Variants in PREX2 observed in about 807,000 individuals in gnomAD.
PREX2 encodes the protein phosphatidylinositol-3,4,5-trisphosphate dependent Rac exchange factor 2, also known as phosphatidylinositol 3,4,5-trisphosphate-dependent Rac exchanger 2 protein.
In PREX2, 107 loss-of-function variants were observed where a neutral mutation model predicts 203.2. That is an observed-to-expected ratio of 0.53 (90% CI 0.45 to 0.62). PREX2 has a LOEUF of 0.62. PREX2 is among the 20% of genes least tolerant of loss of function. PREX2 has a pLI of 0.00. For missense variants in PREX2, 1,777 were observed against 1,955.9 expected (o/e 0.91, Z 1.72); for synonymous variants, 672 against 663.6 (o/e 1.01, Z -0.19).
intron 1 of PREX2, among the ~76,000 whole-genome samples, chr8:67,970,403 C>A (rs558838239): frequency 1.3e-5 from 2 of 152,270 alleles, no homozygotes; most frequent in East Asian, 3.9e-4. Flanking sequence ...GACCATCAGC[C>A]TTTCAACAAC....
At position 68,202,662 on chromosome 8, in the gene PREX2, T is replaced by C. The variant is rs145719600; in HGVS notation, c.4604+10137T>C. Among the ~76,000 whole-genome samples the C allele has an allele frequency of 1.6e-3, 246 of 152,044 alleles. 1 individual carries two copies. The highest frequency in any genetic ancestry group is 5.7e-3 in the African/African-American group (237 of 41,482). On this transcript the variant is annotated intron_variant, in intron 37 of 39. Coordinates refer to ENST00000288368, the MANE Select transcript of PREX2 (RefSeq NM_024870.4). Reference sequence around the variant, plus strand: ...AATGGCAGTCAACAGGACTTGGTGATTGGTGAGAAATAAAGAATAGGGGAG... The same window carrying C: ...AATGGCAGTCAACAGGACTTGGTGACTGGTGAGAAATAAAGAATAGGGGAG...
intron 1 of PREX2, among the ~76,000 whole-genome samples, chr8:68,002,839 T>C (rs1806982331): frequency 6.6e-6 from 1 of 152,160 alleles, no homozygotes; most frequent in Admixed American, 6.5e-5. Flanking sequence ...TTCAGAAAAG[T>C]ATAGATATTG....
chr8:68,102,211 G>A (rs372414164), intron 23 of PREX2, among the ~76,000 whole-genome samples: 2 of 152,082 alleles, frequency 1.3e-5, no homozygotes, highest in Non-Finnish European at 2.9e-5. Flanking sequence ...CTCTTTCTTC[G>A]GGAGATTAAG....
At chr8:68,102,983 G>A in intron 23 of PREX2, 1 of 513,426 alleles carries the variant, frequency 1.9e-6, no homozygotes, top group Non-Finnish European at 3.9e-6. Flanking sequence ...AAATTGTCCT[G>A]GAAACGCTTC....
At chr8:68,190,159 C>T (rs1244368096) in intron 35 of PREX2, among the ~76,000 whole-genome samples, 5 of 152,088 alleles carry the variant, frequency 3.3e-5, no homozygotes, top group East Asian at 1.9e-4. Context: ...TAATAATTTA[C>T]CAACACTTTG....
chr8:68,021,456 G>GT (rs1807566280), intron 3 of PREX2, among the ~76,000 whole-genome samples: 1 of 152,134 alleles, frequency 6.6e-6, no homozygotes, highest in Non-Finnish European at 1.5e-5. Context: ...TTAGTTGCTT[G>GT]TTGCTAGATA....
At chr8:68,121,437 C>G (rs908526448) in intron 30 of PREX2, among the ~76,000 whole-genome samples, 8 of 151,950 alleles carry the variant, frequency 5.3e-5, no homozygotes, top group African/African-American at 1.9e-4. Context: ...GTATGAGAAT[C>G]AAAATAATCA....
intron 38 of PREX2, among the ~76,000 whole-genome samples, chr8:68,219,606 G>T (rs925459220): frequency 6.6e-6 from 1 of 152,132 alleles, no homozygotes; most frequent in East Asian, 1.9e-4. Flanking sequence ...GCCCCAAGTT[G>T]TGACGTCCCA....
chr8:68,075,693 A>G (rs1809328861), intron 14 of PREX2, among the ~76,000 whole-genome samples: 1 of 152,216 alleles, frequency 6.6e-6, no homozygotes, highest in South Asian at 2.1e-4. Context: ...ATCACTTGGC[A>G]CAATATGTAG....
chr8:68,147,454 C>A (rs1186481739), intron 34 of PREX2, among the ~76,000 whole-genome samples: 1 of 152,130 alleles, frequency 6.6e-6, no homozygotes. Flanking sequence ...GTGAATAAGT[C>A]TCACGAGATC....
chr8:68,124,618 C>T (rs1255755305), intron 30 of PREX2, among the ~76,000 whole-genome samples: 2 of 152,064 alleles, frequency 1.3e-5, no homozygotes, highest in African/African-American at 4.8e-5. Flanking sequence ...AAGAAACCTG[C>T]ACATGTACCC....
intron 28 of PREX2, among the ~76,000 whole-genome samples, chr8:68,119,784 G>GT (rs756947007): frequency 3.1e-4 from 46 of 149,902 alleles, no homozygotes; most frequent in Admixed American, 1.8e-3. Context: ...ATTTTTTTTT[G>GT]TTTTTTTGTT....
intron 24 of PREX2, among the ~76,000 whole-genome samples, chr8:68,108,851 G>A (rs923751755): frequency 6.6e-6 from 1 of 152,032 alleles, no homozygotes; most frequent in African/African-American, 2.4e-5. Flanking sequence ...AAACACAATG[G>A]AATACCACTC....
At chr8:68,197,445 T>C (rs919257119) in intron 37 of PREX2, among the ~76,000 whole-genome samples, 3 of 152,120 alleles carry the variant, frequency 2.0e-5, no homozygotes, top group Non-Finnish European at 4.4e-5. Flanking sequence ...CCTCCTGCCA[T>C]GATTGTAAGT....
chr8:68,111,830 A>C (rs542905676), intron 25 of PREX2, among the ~76,000 whole-genome samples: 3 of 152,190 alleles, frequency 2.0e-5, no homozygotes, highest in Admixed American at 6.5e-5. Context: ...ACATTATTTA[A>C]AAATCTAGTA....
chr8:68,091,533 T>TGGC (rs1809873802), intron 20 of PREX2, among the ~76,000 whole-genome samples: 1 of 152,202 alleles, frequency 6.6e-6, no homozygotes, highest in African/African-American at 2.4e-5. Flanking sequence ...TGAATGGCCA[T>TGGC]TTTCTCATAA....
chr8:67,989,374 T>A (rs1806531307), intron 1 of PREX2, among the ~76,000 whole-genome samples: 3 of 152,172 alleles, frequency 2.0e-5, no homozygotes, highest in African/African-American at 7.2e-5. Context: ...TCTTAACTAT[T>A]CTAAGAATTT....
chr8:68,016,075 G>A (rs916279072), intron 1 of PREX2, among the ~76,000 whole-genome samples: 28 of 152,114 alleles, frequency 1.8e-4, no homozygotes, highest in African/African-American at 6.3e-4. Context: ...AGATCTTGTG[G>A]CTCATTAGTT....
intron 26 of PREX2, among the ~76,000 whole-genome samples, chr8:68,116,558 C>A (rs1446096606): frequency 6.6e-6 from 1 of 152,164 alleles, no homozygotes; most frequent in Non-Finnish European, 1.5e-5. Context: ...CTTCTGAAGG[C>A]TGTGGAGGAA....
Sources: allele counts gnomAD v4.1 joint callset (sites outside exome capture counted in the v4.1 genomes callset), GRCh38; gene constraint gnomAD v4.1.1; transcripts MANE v1.5; gene names NCBI Gene and HGNC (gene_info 2026-07-23, HGNC 2026-07-21).